KCND2: variants seen among roughly 807,000 people sequenced by gnomAD.
KCND2 encodes the protein potassium voltage-gated channel subfamily D member 2.
In KCND2, 16 loss-of-function variants were observed where a neutral mutation model predicts 54.4. That is an observed-to-expected ratio of 0.29 (90% CI 0.20 to 0.45). KCND2 has a LOEUF of 0.45. Ranked by LOEUF, KCND2 falls within the 20% of genes least tolerant of loss-of-function variation. The pLI, the probability that KCND2 is intolerant of heterozygous loss-of-function variation, is 1.00. For synonymous variants in KCND2, 317 were observed against 310.7 expected (o/e 1.02, Z -0.21); for missense variants, 486 against 824.2 (o/e 0.59, Z 5.02).
At chr7:120,526,575 A>G (rs571838083) in intron 1 of KCND2, among the ~76,000 whole-genome samples, 1 of 152,294 alleles carries the variant, frequency 6.6e-6, no homozygotes, top group Non-Finnish European at 1.5e-5. Flanking sequence ...CTTCACAAGA[A>G]GGAACCTGAT....
chr7:120,518,120 G>A (rs1013277837), intron 1 of KCND2, among the ~76,000 whole-genome samples: 1 of 152,018 alleles, frequency 6.6e-6, no homozygotes, highest in African/African-American at 2.4e-5. Context: ...TCGGGTCTGG[G>A]GAATTAAAAA....
intron 1 of KCND2, among the ~76,000 whole-genome samples, chr7:120,461,422 T>C (rs73435846): frequency 0.021 from 3,227 of 152,282 alleles, 98 homozygotes; most frequent in African/African-American, 0.07. Flanking sequence ...ACAAATGGTA[T>C]TTCAGATATT....
intron 1 of KCND2, among the ~76,000 whole-genome samples, chr7:120,438,719 T>C (rs964624543): frequency 1.3e-5 from 2 of 152,220 alleles, no homozygotes; most frequent in East Asian, 3.9e-4. Flanking sequence ...TGAAAAAATA[T>C]ATTATGGGAA....
chr7:120,444,767 C>CT (rs961291643), intron 1 of KCND2, among the ~76,000 whole-genome samples: 4 of 152,068 alleles, frequency 2.6e-5, no homozygotes, highest in African/African-American at 9.7e-5. Flanking sequence ...TACACTAAAA[C>CT]TAACATGAAA....
intron 1 of KCND2, among the ~76,000 whole-genome samples, chr7:120,303,260 T>A (rs2116299037): frequency 6.6e-6 from 1 of 152,342 alleles, no homozygotes; most frequent in East Asian, 1.9e-4. Context: ...TTATGAGTTT[T>A]GTTTCTAGAG....
intron 1 of KCND2, among the ~76,000 whole-genome samples, chr7:120,487,239 T>A (rs941483856): frequency 2.6e-5 from 4 of 152,106 alleles, no homozygotes; most frequent in East Asian, 1.9e-4. Flanking sequence ...AGATTTTTTT[T>A]TAAAAAAAGA....
chr7:120,419,138 T>C (rs1382344529), intron 1 of KCND2, among the ~76,000 whole-genome samples: 3 of 152,154 alleles, frequency 2.0e-5, no homozygotes, highest in Non-Finnish European at 4.4e-5. Context: ...ACTGTTCCTG[T>C]TGTCAAATTG....
chr7:120,556,127 C>T (rs1228493828), intron 1 of KCND2, among the ~76,000 whole-genome samples: 1 of 152,064 alleles, frequency 6.6e-6, no homozygotes, highest in African/African-American at 2.4e-5. Context: ...TTGTGTATTA[C>T]TTCAAAGAGA....
chr7:120,533,051 GTAT>G (rs1169346919), intron 1 of KCND2, among the ~76,000 whole-genome samples: 1 of 151,822 alleles, frequency 6.6e-6, no homozygotes, highest in East Asian at 1.9e-4. Flanking sequence ...TTTGTCAATA[GTAT>G]TATTTAACAT....
intron 1 of KCND2, among the ~76,000 whole-genome samples, chr7:120,417,768 T>C (rs989013598): frequency 1.3e-5 from 2 of 152,184 alleles, no homozygotes; most frequent in Non-Finnish European, 2.9e-5. Context: ...AAACGCACCA[T>C]TTTATCCTTT....
chr7:120,529,849 G>A (rs532732489), intron 1 of KCND2, among the ~76,000 whole-genome samples: 3 of 152,204 alleles, frequency 2.0e-5, no homozygotes, highest in African/African-American at 4.8e-5. Context: ...ATGCGAGGCC[G>A]AGGCAGGAGG....
intron 1 of KCND2, among the ~76,000 whole-genome samples, chr7:120,488,939 A>G (rs1348122530): frequency 6.6e-6 from 1 of 152,106 alleles, no homozygotes; most frequent in East Asian, 1.9e-4. Context: ...AACCTGTCCA[A>G]TTTTCTCCTA....
intron 2 of KCND2, among the ~76,000 whole-genome samples, chr7:120,733,530 A>T (rs1384546733): frequency 6.6e-6 from 1 of 152,198 alleles, no homozygotes; most frequent in Admixed American, 6.6e-5. Flanking sequence ...CACTAATGAC[A>T]GTAGCAAAAT....
At chr7:120,384,553 T>C (rs1800960659) in intron 1 of KCND2, among the ~76,000 whole-genome samples, 1 of 152,154 alleles carries the variant, frequency 6.6e-6, no homozygotes, top group Non-Finnish European at 1.5e-5. Context: ...ATACAGCACA[T>C]TGCATATACA....
chr7:120,325,629 C>G (rs922127816), intron 1 of KCND2, among the ~76,000 whole-genome samples: 1 of 151,878 alleles, frequency 6.6e-6, no homozygotes. Flanking sequence ...ATTGAACCAG[C>G]CTTGCATCCC....
intron 1 of KCND2, among the ~76,000 whole-genome samples, chr7:120,521,455 T>C (rs1254093270): frequency 6.6e-6 from 1 of 152,164 alleles, no homozygotes; most frequent in Non-Finnish European, 1.5e-5. Flanking sequence ...TTATTCTTCC[T>C]TGGGCCTTCA....
chr7:120,521,075 A>G (rs1791686305), intron 1 of KCND2, among the ~76,000 whole-genome samples: 1 of 152,170 alleles, frequency 6.6e-6, no homozygotes. Flanking sequence ...ACACTTTAGA[A>G]AGAGAGTCAT....
chr7:120,380,045 G>A (rs1478195916), intron 1 of KCND2, among the ~76,000 whole-genome samples: 1 of 151,840 alleles, frequency 6.6e-6, no homozygotes, highest in African/African-American at 2.4e-5. Context: ...CAAATAAATT[G>A]CAATCAATAA....
intron 1 of KCND2, among the ~76,000 whole-genome samples, chr7:120,353,414 A>G (rs1563019399): frequency 6.6e-6 from 1 of 152,160 alleles, no homozygotes; most frequent in Non-Finnish European, 1.5e-5. Flanking sequence ...TCTTTGTGTT[A>G]GGCAGAAATG....
Sources: allele counts gnomAD v4.1 joint callset (sites outside exome capture counted in the v4.1 genomes callset), GRCh38; gene constraint gnomAD v4.1.1; transcripts MANE v1.5; gene names NCBI Gene and HGNC (gene_info 2026-07-23, HGNC 2026-07-21).